The following ZC2HC1A variants were observed in gnomAD, a reference collection of about 807,000 sequenced individuals.
ZC2HC1A encodes zinc finger C2HC domain-containing protein 1A.
A neutral mutation model predicts 40.7 loss-of-function variants in ZC2HC1A; 28 were observed. The observed-to-expected ratio is 0.69, with a 90% CI of 0.51 to 0.94. The LOEUF (loss-of-function observed/expected upper bound fraction) is 0.94. ZC2HC1A is among the 40% of genes least tolerant of loss of function. ZC2HC1A has a pLI of 0.00. For missense variants in ZC2HC1A, 389 were observed against 386.3 expected, an observed-to-expected ratio of 1.01 and a Z score of -0.06; for synonymous variants, 129 against 129.2, an observed-to-expected ratio of 1.00 and a Z score of 0.01.
chr8:78,677,530 A>G (rs1563621058), intron 2 of ZC2HC1A, among the ~76,000 whole-genome samples: 1 of 152,134 alleles, frequency 6.6e-6, no homozygotes. Context: ...GCATATTACT[A>G]TTATGTTAAC....
intron 7 of ZC2HC1A, among the ~76,000 whole-genome samples, chr8:78,713,110 A>G (rs1459946302): frequency 1.3e-5 from 2 of 152,154 alleles, no homozygotes; most frequent in Non-Finnish European, 2.9e-5. Context: ...TGGATTAAGT[A>G]CAATTCCAAA....
In ZC2HC1A at chr8:78,696,480, G is replaced by A. The variant is rs563975660; in HGVS notation, c.505-927G>A. Among the ~76,000 whole-genome samples, 322 of 152,312 alleles carry A rather than the reference G, an allele frequency of 2.1e-3. 2 individuals are homozygous for A. The highest frequency in any genetic ancestry group is 0.014 in the Middle Eastern group (4 of 294). Reference sequence around the variant, plus strand: ...ATTCCTGCTCTGCTGTGAAGTTGGGGCATAACCCTGGGCAAGTTCATTTCT... The same window carrying A: ...ATTCCTGCTCTGCTGTGAAGTTGGGACATAACCCTGGGCAAGTTCATTTCT... On this transcript the variant is annotated intron_variant, in intron 5 of 8. Transcript: ENST00000263849.
At chr8:78,713,444 C>T (rs1811008503) in intron 7 of ZC2HC1A, among the ~76,000 whole-genome samples, 1 of 151,310 alleles carries the variant, frequency 6.6e-6, no homozygotes, top group South Asian at 2.1e-4. Context: ...ATCTCATGCA[C>T]TTAAGACGAT....
chr8:78,682,968 A>G (rs1235531598), intron 3 of ZC2HC1A, among the ~76,000 whole-genome samples: 1 of 152,208 alleles, frequency 6.6e-6, no homozygotes, highest in Admixed American at 6.5e-5. Flanking sequence ...TAAACCTTAA[A>G]GCTCTGAAAC....
intron 7 of ZC2HC1A, among the ~76,000 whole-genome samples, chr8:78,708,004 G>T (rs1031129311): frequency 1.1e-4 from 16 of 151,980 alleles, no homozygotes; most frequent in Admixed American, 1.0e-3. Context: ...TTTTGGTTAA[G>T]TGAAAAAAGA....
chr8:78,707,855 CT>C (rs34584205), intron 7 of ZC2HC1A, among the ~76,000 whole-genome samples: 102,103 of 143,348 alleles, frequency 0.71, 36,250 homozygotes, highest in East Asian at 0.9. Flanking sequence ...CTTTTTTTTT[CT>C]TTTTTTTTTT....
At chr8:78,704,439 G>A (rs1810705513) in intron 7 of ZC2HC1A, among the ~76,000 whole-genome samples, 1 of 151,490 alleles carries the variant, frequency 6.6e-6, no homozygotes, top group South Asian at 2.1e-4. Context: ...ATATCTTCTG[G>A]CTTGTAGGGT....
At chr8:78,697,372 T>A in intron 5 of ZC2HC1A, 35 bp from the exon 6 acceptor site, 1 of 1,490,918 alleles carries the variant, frequency 6.7e-7, no homozygotes, top group Admixed American at 2.0e-5. Context: ...AATCAAAAAG[T>A]GATGTTGATT....
intron 3 of ZC2HC1A, among the ~76,000 whole-genome samples, chr8:78,682,308 T>C (rs1421576692): frequency 2.0e-5 from 3 of 149,648 alleles, no homozygotes; most frequent in Admixed American, 2.0e-4. Flanking sequence ...GATGTATTAG[T>C]CCATTTTCCT....
rs902335921 is a variant in ZC2HC1A at position 78,719,219 on chromosome 8, GT to G, written c.*1733del. The G allele has an allele frequency of 5.0e-5, 5 of 100,842 alleles. No homozygotes were observed. Among genetic ancestry groups the G allele is most frequent in the African/African-American group, 1.5e-4 (5 of 32,808 alleles). 6.2% of individuals were successfully genotyped at this position (100,842 alleles called of 1,614,324 possible). Reference sequence around the variant, plus strand: ...CTTGTTTTATCTAATACTGAGCACTGTTTTTTTGTCAAGTATTTTTTTAAGA... The same window carrying G: ...CTTGTTTTATCTAATACTGAGCACTGTTTTTTGTCAAGTATTTTTTTAAGA... On this transcript the variant is annotated 3_prime_UTR_variant, in exon 9 of 9. Transcript: ENST00000263849.
At chr8:78,687,855 AATAT>A (rs1334594209) in intron 4 of ZC2HC1A, among the ~76,000 whole-genome samples, 7 of 86,724 alleles carry the variant, frequency 8.1e-5, no homozygotes, top group African/African-American at 1.5e-4. Context: ...ATATTTATAT[AATAT>A]ATATCTATAT....
intron 8 of ZC2HC1A, 44 bp downstream of exon 8, chr8:78,715,372 T>C: frequency 2.0e-6 from 3 of 1,518,518 alleles, no homozygotes; most frequent in Non-Finnish European, 2.7e-6. Context: ...TAAAATTGAG[T>C]ATATGATAGT....
intron 7 of ZC2HC1A, among the ~76,000 whole-genome samples, chr8:78,704,296 G>A (rs1810699746): frequency 6.6e-6 from 1 of 150,890 alleles, no homozygotes; most frequent in Admixed American, 6.6e-5. Flanking sequence ...GCTGAGGCAG[G>A]AGAATTGCTC....
At chr8:78,683,750 T>C (rs1809864915) in intron 3 of ZC2HC1A, among the ~76,000 whole-genome samples, 2 of 152,196 alleles carry the variant, frequency 1.3e-5, no homozygotes, top group South Asian at 4.1e-4. Flanking sequence ...ATTTTTCTTT[T>C]CTGTTACATC....
In ZC2HC1A at chr8:78,675,789, A is replaced by T. The variant is rs997451545; in HGVS notation, c.19A>T (p.Asn7Tyr). 1 of 1,606,324 alleles carries T rather than the reference A, an allele frequency of 6.2e-7. No individual in the cohort carries two copies. The change falls in exon 2 of 9, where the codon AAT (asparagine) becomes TAT (tyrosine). Residue 7 changes from asparagine to tyrosine, a missense_variant and splice_region_variant. Physicochemically the swap from Asn to Tyr is moderately radical, Grantham distance 143. Transcript: ENST00000263849. ...TATTAAATTCCTTCCTGTTTTAGAG[A>T]ATGGAGGTGTTGTCCAAGTTGGAGA... MEGLEE[N>Y]GGVVQVGELL...
intron 2 of ZC2HC1A, among the ~76,000 whole-genome samples, chr8:78,677,534 T>C (rs1309253155): frequency 6.6e-6 from 1 of 152,168 alleles, no homozygotes; most frequent in Non-Finnish European, 1.5e-5. Flanking sequence ...ATTACTATTA[T>C]GTTAACTTTA....
chr8:78,687,037 C>T (rs1403089393), intron 4 of ZC2HC1A, among the ~76,000 whole-genome samples: 1 of 152,052 alleles, frequency 6.6e-6, no homozygotes, highest in African/African-American at 2.4e-5. Flanking sequence ...ATGTATAATT[C>T]ATGTGGCTCG....
At chr8:78,701,735 A>G (rs1253491968) in intron 7 of ZC2HC1A, among the ~76,000 whole-genome samples, 1 of 152,234 alleles carries the variant, frequency 6.6e-6, no homozygotes, top group Non-Finnish European at 1.5e-5. Context: ...CCTTTTCGTC[A>G]TCTATTAAGA....
Position 78,717,439 on chromosome 8 carries a change from T to C in ZC2HC1A, c.924T>C (p.Pro308=), listed in dbSNP as rs747072248. The change falls in exon 9 of 9, where the codon CCT becomes CCC. Residue 308 remains proline (P), a synonymous_variant. Coordinates refer to ENST00000263849, the MANE Select transcript of ZC2HC1A (RefSeq NM_016010.3). The part of the protein sequence containing the change: ...KFCHECGTKY[P]VEWAKFCCEC... ...GCCATGAGTGTGGGACTAAATACCC[T>C]GTAGAATGGGCCAAATTTTGCTGTG... is the stretch of plus-strand genomic sequence containing the variant. The C allele has an allele frequency of 1.2e-6, 2 of 1,609,574 alleles. No individual in the cohort carries two copies. The highest frequency in any genetic ancestry group is 1.7e-5 in the Admixed American group (1 of 59,184).
Sources: gnomAD v4.1 joint callset for allele counts (sites outside exome capture counted in the v4.1 genomes callset) on GRCh38, gnomAD v4.1.1 for gene constraint, MANE v1.5 for transcripts, NCBI Gene and HGNC (gene_info 2026-07-23, HGNC 2026-07-21) for gene names.